Variants in CTNNA3 observed in about 807,000 individuals in gnomAD.
CTNNA3 encodes catenin alpha 3.
In CTNNA3, 76 loss-of-function variants were observed where a neutral mutation model predicts 95.7. That is an observed-to-expected ratio of 0.79 (90% CI 0.66 to 0.96). The LOEUF (loss-of-function observed/expected upper bound fraction) is 0.96. Among genes scored for constraint, CTNNA3 ranks in the 40% least tolerant of loss-of-function variants. The pLI is 0.00. For missense variants in CTNNA3, 1,191 were observed against 1,089.8 expected, an observed-to-expected ratio of 1.09 and a Z score of -1.31; for synonymous variants, 431 against 374.4, an observed-to-expected ratio of 1.15 and a Z score of -1.74.
At chr10:67,746,149 C>T (rs1841374065) in intron 1 of CTNNA3, among the ~76,000 whole-genome samples, 2 of 152,172 alleles carry the variant, frequency 1.3e-5, no homozygotes, top group Non-Finnish European at 2.9e-5. Flanking sequence ...AAGCTGGAAG[C>T]ATCCCACTTC....
chr10:67,700,334 C>G (rs1276843354), upstream of CTNNA3, among the ~76,000 whole-genome samples: 1 of 152,216 alleles, frequency 6.6e-6, no homozygotes, highest in East Asian at 1.9e-4. Context: ...AAGTGGGTCC[C>G]TGACCCCTTG....
At chr10:66,289,484 G>A (rs1234440208) in intron 12 of CTNNA3, among the ~76,000 whole-genome samples, 1 of 151,462 alleles carries the variant, frequency 6.6e-6, no homozygotes, top group Middle Eastern at 3.2e-3. Context: ...AAACATATAA[G>A]CATGTTTAAC....
intron 15 of CTNNA3, among the ~76,000 whole-genome samples, chr10:66,055,350 T>C (rs1410597464): frequency 6.6e-6 from 1 of 152,198 alleles, no homozygotes; most frequent in Non-Finnish European, 1.5e-5. Context: ...TTCTCATCCA[T>C]GAACATGAAA....
intron 1 of CTNNA3, among the ~76,000 whole-genome samples, chr10:67,731,768 C>A (rs1459734954): frequency 6.7e-6 from 1 of 150,356 alleles, no homozygotes; most frequent in African/African-American, 2.5e-5. Context: ...TGCCACTGCA[C>A]TCCCGCCTGG....
intron 7 of CTNNA3, among the ~76,000 whole-genome samples, chr10:66,911,928 T>C (rs899597994): frequency 9.2e-5 from 14 of 152,312 alleles, no homozygotes; most frequent in African/African-American, 3.4e-4. Flanking sequence ...TTTTGGTTTC[T>C]CTAGGCAGAA....
At chr10:66,793,121 G>A (rs960514486) in intron 7 of CTNNA3, among the ~76,000 whole-genome samples, 1 of 151,944 alleles carries the variant, frequency 6.6e-6, no homozygotes, top group Non-Finnish European at 1.5e-5. Flanking sequence ...ATGAGGTTTT[G>A]GGGGGAGTAG....
At chr10:66,247,063 A>G (rs2090360889) in intron 13 of CTNNA3, among the ~76,000 whole-genome samples, 1 of 151,982 alleles carries the variant, frequency 6.6e-6, no homozygotes, top group Non-Finnish European at 1.5e-5. Flanking sequence ...AAAAAAAAAA[A>G]AAAAAAATTA....
chr10:66,736,164 G>T (rs1288433789), intron 9 of CTNNA3, among the ~76,000 whole-genome samples: 1 of 152,016 alleles, frequency 6.6e-6, no homozygotes, highest in Non-Finnish European at 1.5e-5. Context: ...CTGTCATGGA[G>T]GAAGACCTAG....
intron 3 of CTNNA3, among the ~76,000 whole-genome samples, chr10:67,579,852 C>T (rs1564756367): frequency 6.6e-6 from 1 of 152,130 alleles, no homozygotes; most frequent in Non-Finnish European, 1.5e-5. Flanking sequence ...TAAATGTCTT[C>T]TTTTGAGAAG....
intron 13 of CTNNA3, among the ~76,000 whole-genome samples, chr10:66,268,192 T>C (rs1298501321): frequency 6.6e-6 from 1 of 152,054 alleles, no homozygotes; most frequent in Non-Finnish European, 1.5e-5. Context: ...ATATTATTCC[T>C]CATCTCACAT....
chr10:67,038,716 A>T (rs942786), intron 7 of CTNNA3, among the ~76,000 whole-genome samples: 151,504 of 152,194 alleles, frequency 1, 75,410 homozygotes, highest in East Asian at 1. Context: ...CAGGGTTAAC[A>T]GTCCAAAATC....
chr10:65,926,870 T>C (rs1003651477), intron 17 of CTNNA3, among the ~76,000 whole-genome samples: 1 of 152,156 alleles, frequency 6.6e-6, no homozygotes, highest in African/African-American at 2.4e-5. Context: ...TGGCATCTCA[T>C]TAATTACTAA....
At chr10:66,088,443 T>C (rs2133680612) in intron 14 of CTNNA3, among the ~76,000 whole-genome samples, 1 of 151,812 alleles carries the variant, frequency 6.6e-6, no homozygotes, top group East Asian at 1.9e-4. Context: ...ATGTTATTAA[T>C]GGTTATCAGT....
chr10:66,918,649 T>A (rs1846619543), intron 7 of CTNNA3, among the ~76,000 whole-genome samples: 1 of 152,188 alleles, frequency 6.6e-6, no homozygotes, highest in African/African-American at 2.4e-5. Context: ...TGAAAGAGAC[T>A]TCAAATACAT....
intron 7 of CTNNA3, among the ~76,000 whole-genome samples, chr10:66,961,145 A>T (rs2132770847): frequency 6.6e-6 from 1 of 152,358 alleles, no homozygotes; most frequent in South Asian, 2.1e-4. Flanking sequence ...CATTTCAAAA[A>T]AAGTTACGAA....
chr10:67,592,943 T>C (rs1338497107), intron 3 of CTNNA3, among the ~76,000 whole-genome samples: 2 of 152,130 alleles, frequency 1.3e-5, no homozygotes, highest in Non-Finnish European at 2.9e-5. Flanking sequence ...ACCTGGTAAG[T>C]AGTTATTCAA....
At chr10:67,762,602 G>C (rs1841467989) in intron 1 of CTNNA3, among the ~76,000 whole-genome samples, 1 of 152,138 alleles carries the variant, frequency 6.6e-6, no homozygotes, top group South Asian at 2.1e-4. Flanking sequence ...GTAAAATTAG[G>C]TAAGGTTAAA....
chr10:67,060,759 G>T (rs1855711592), intron 7 of CTNNA3, among the ~76,000 whole-genome samples: 1 of 152,178 alleles, frequency 6.6e-6, no homozygotes, highest in African/African-American at 2.4e-5. Context: ...GCCTCTGTCA[G>T]CCTAGGTTCC....
chr10:67,155,513 G>A (rs1861270723), intron 7 of CTNNA3, among the ~76,000 whole-genome samples: 1 of 121,854 alleles, frequency 8.2e-6, no homozygotes, highest in Admixed American at 8.3e-5. Flanking sequence ...CTATGTATAT[G>A]TGTTTGTATT....
Sources: allele counts gnomAD v4.1 joint callset (sites outside exome capture counted in the v4.1 genomes callset), GRCh38; gene constraint gnomAD v4.1.1; transcripts MANE v1.5; gene names NCBI Gene and HGNC (gene_info 2026-07-23, HGNC 2026-07-21).